ASIC2: variants seen among roughly 807,000 people sequenced by gnomAD.
The protein encoded by ASIC2 is acid sensing ion channel subunit 2.
ASIC2 carries 25 observed loss-of-function variants against 57.3 expected under a neutral mutation model. That is an observed-to-expected ratio of 0.44 (90% CI 0.32 to 0.61). ASIC2 has a LOEUF of 0.61. Ranked by LOEUF, ASIC2 falls within the 20% of genes least tolerant of loss-of-function variation. ASIC2 has a pLI of 0.06. For missense variants in ASIC2, 641 were observed against 738.1 expected (o/e 0.87, Z 1.52); for synonymous variants, 319 against 307.5 (o/e 1.04, Z -0.39).
intron 1 of ASIC2, among the ~76,000 whole-genome samples, chr17:33,930,466 G>A (rs896299654): frequency 8.5e-5 from 13 of 152,192 alleles, no homozygotes; most frequent in Non-Finnish European, 2.9e-5. Flanking sequence ...TGGCTGAGAT[G>A]TTAGTCCCCA....
At chr17:33,992,921 G>A (rs573014242) in intron 1 of ASIC2, among the ~76,000 whole-genome samples, 19 of 152,284 alleles carry the variant, frequency 1.2e-4, no homozygotes, top group African/African-American at 3.8e-4. Flanking sequence ...AAAGTGTCCC[G>A]AGTAGCTTGC....
At chr17:33,317,225 A>G (rs1906692005) in intron 1 of ASIC2, among the ~76,000 whole-genome samples, 1 of 152,136 alleles carries the variant, frequency 6.6e-6, no homozygotes, top group South Asian at 2.1e-4. Context: ...CTTCCCTTGC[A>G]GTGCTGTGAT....
At chr17:33,231,561 G>A (rs12952455) in intron 1 of ASIC2, among the ~76,000 whole-genome samples, 30,502 of 151,978 alleles carry the variant, frequency 0.2, 3,703 homozygotes, top group East Asian at 0.26. Context: ...ATTTGCTGAA[G>A]TCCCATCCCA....
At chr17:33,481,366 G>A (rs1026165039) in intron 1 of ASIC2, among the ~76,000 whole-genome samples, 9 of 152,190 alleles carry the variant, frequency 5.9e-5, no homozygotes, top group Non-Finnish European at 1.0e-4. Flanking sequence ...TGAGTTAGCA[G>A]ATCATCAGAC....
intron 1 of ASIC2, among the ~76,000 whole-genome samples, chr17:33,754,876 T>C (rs1021330325): frequency 1.4e-5 from 2 of 140,284 alleles, no homozygotes; most frequent in African/African-American, 5.4e-5. Flanking sequence ...GAGAATGGTG[T>C]GAACCTGGGA....
intron 1 of ASIC2, among the ~76,000 whole-genome samples, chr17:33,342,636 T>A (rs1421745526): frequency 1.3e-5 from 2 of 152,224 alleles, no homozygotes; most frequent in East Asian, 3.9e-4. Context: ...TTATTAACTC[T>A]CAATCCAGTC....
chr17:33,384,273 G>T (rs1909594386), intron 1 of ASIC2, among the ~76,000 whole-genome samples: 3 of 152,194 alleles, frequency 2.0e-5, no homozygotes, highest in Admixed American at 2.0e-4. Context: ...ACATTGAAGG[G>T]TGATTTTGTA....
intron 1 of ASIC2, among the ~76,000 whole-genome samples, chr17:33,848,318 G>T (rs941727850): frequency 6.6e-6 from 1 of 152,146 alleles, no homozygotes; most frequent in Non-Finnish European, 1.5e-5. Flanking sequence ...ACCCAGTGGG[G>T]CATCCTTTTT....
At chr17:34,130,448 A>G (rs527410912) in intron 1 of ASIC2, among the ~76,000 whole-genome samples, 18 of 152,382 alleles carry the variant, frequency 1.2e-4, no homozygotes, top group African/African-American at 4.1e-4. Context: ...CACAGAACCT[A>G]TATCTAACTA....
intron 1 of ASIC2, among the ~76,000 whole-genome samples, chr17:33,438,139 C>T (rs1263444292): frequency 6.6e-6 from 1 of 152,206 alleles, no homozygotes; most frequent in Non-Finnish European, 1.5e-5. Flanking sequence ...GCAAATTCTA[C>T]TTTAACGATA....
At chr17:33,698,804 G>T (rs1162019568) in intron 1 of ASIC2, among the ~76,000 whole-genome samples, 1 of 152,112 alleles carries the variant, frequency 6.6e-6, no homozygotes, top group Non-Finnish European at 1.5e-5. Flanking sequence ...TGGCTTGGGA[G>T]AAAGAAAGGA....
chr17:33,182,546 T>C (rs1002938497), intron 1 of ASIC2, among the ~76,000 whole-genome samples: 40 of 152,144 alleles, frequency 2.6e-4, no homozygotes, highest in Non-Finnish European at 2.6e-4. Context: ...AGAATATAAT[T>C]AGTTCATTGT....
At chr17:33,635,275 A>G (rs946625555) in intron 1 of ASIC2, among the ~76,000 whole-genome samples, 5 of 152,270 alleles carry the variant, frequency 3.3e-5, no homozygotes, top group Admixed American at 6.5e-5. Context: ...AGCACTTGCT[A>G]CGTCTCAGAT....
chr17:33,951,619 G>T (rs992243201), intron 1 of ASIC2, among the ~76,000 whole-genome samples: 4 of 150,932 alleles, frequency 2.7e-5, no homozygotes, highest in Non-Finnish European at 4.4e-5. Context: ...GTCTCACTCT[G>T]TCACCCAGGC....
intron 1 of ASIC2, among the ~76,000 whole-genome samples, chr17:33,237,036 T>A (rs889229481): frequency 6.6e-6 from 1 of 152,182 alleles, no homozygotes; most frequent in Non-Finnish European, 1.5e-5. Flanking sequence ...GCCAAGGACA[T>A]GATGCAGGGA....
intron 1 of ASIC2, among the ~76,000 whole-genome samples, chr17:33,920,571 A>AG (rs144642570): frequency 0.021 from 3,140 of 152,210 alleles, 124 homozygotes; most frequent in African/African-American, 0.072. Flanking sequence ...GGAGACAGGG[A>AG]GGGGGACAAA....
chr17:33,557,666 G>A (rs1304268494), intron 1 of ASIC2, among the ~76,000 whole-genome samples: 3 of 152,142 alleles, frequency 2.0e-5, no homozygotes, highest in Non-Finnish European at 2.9e-5. Context: ...ACATATTTCT[G>A]CAGGGTTTGC....
intron 1 of ASIC2, among the ~76,000 whole-genome samples, chr17:33,317,294 G>A (rs555874981): frequency 6.6e-6 from 1 of 152,274 alleles, no homozygotes; most frequent in South Asian, 2.1e-4. Flanking sequence ...TGCAATCAAG[G>A]GTTCATGTGA....
intron 1 of ASIC2, among the ~76,000 whole-genome samples, chr17:33,397,753 G>T (rs766427784): frequency 3.3e-5 from 5 of 152,208 alleles, no homozygotes; most frequent in Non-Finnish European, 5.9e-5. Flanking sequence ...AGAAAGCTCA[G>T]GGCATAGCTC....
Sources: gnomAD v4.1 joint callset for allele counts (sites outside exome capture counted in the v4.1 genomes callset) on GRCh38, gnomAD v4.1.1 for gene constraint, MANE v1.5 for transcripts, NCBI Gene and HGNC (gene_info 2026-07-23, HGNC 2026-07-21) for gene names.